THSD7B: variants seen among roughly 807,000 people sequenced by gnomAD.
THSD7B encodes the protein thrombospondin type 1 domain containing 7B, also known as thrombospondin type-1 domain-containing protein 7B.
THSD7B carries 138 observed loss-of-function variants against 213.6 expected under a neutral mutation model. The observed-to-expected ratio is 0.65, with a 90% CI of 0.56 to 0.74. The LOEUF is 0.74. Ranked by LOEUF, THSD7B falls within the 30% of genes least tolerant of loss-of-function variation. The pLI is 0.00. For synonymous variants in THSD7B, 742 were observed against 687.0 expected, an observed-to-expected ratio of 1.08 and a Z score of -1.25; for missense variants, 1,931 against 1,991.5, an observed-to-expected ratio of 0.97 and a Z score of 0.58.
At chr2:136,811,467 C>T (rs1365529732) in intron 1 of THSD7B, among the ~76,000 whole-genome samples, 1 of 152,012 alleles carries the variant, frequency 6.6e-6, no homozygotes, top group Non-Finnish European at 1.5e-5. Context: ...AGATCATAGA[C>T]CATGGGTTAC....
At chr2:137,238,577 C>T (rs537620962) in intron 9 of THSD7B, among the ~76,000 whole-genome samples, 4 of 102,336 alleles carry the variant, frequency 3.9e-5, no homozygotes, top group South Asian at 7.1e-4. Flanking sequence ...GACGGAGTCT[C>T]GCTCTGTCGC....
chr2:136,987,183 TA>T (rs1358796424), intron 2 of THSD7B, among the ~76,000 whole-genome samples: 1 of 152,148 alleles, frequency 6.6e-6, no homozygotes, highest in African/African-American at 2.4e-5. Flanking sequence ...CTGTCACATA[TA>T]AACTAGAGAG....
At chr2:137,355,832 G>A (rs1685113726) in intron 12 of THSD7B, among the ~76,000 whole-genome samples, 1 of 152,196 alleles carries the variant, frequency 6.6e-6, no homozygotes, top group South Asian at 2.1e-4. Flanking sequence ...GAAGCCAACT[G>A]TAGAGTGTGT....
At chr2:137,160,615 CTTTTG>C (rs569605637) in intron 6 of THSD7B, among the ~76,000 whole-genome samples, 127 of 152,180 alleles carry the variant, frequency 8.3e-4, no homozygotes, top group Non-Finnish European at 1.5e-3. Context: ...ATAACTTCAT[CTTTTG>C]TTTTGTTTTG....
intron 12 of THSD7B, among the ~76,000 whole-genome samples, chr2:137,345,766 G>A (rs945515559): frequency 5.3e-5 from 8 of 151,612 alleles, no homozygotes; most frequent in Non-Finnish European, 1.2e-4. Context: ...TAGATAGTAT[G>A]TGAGTTTAGA....
intron 15 of THSD7B, among the ~76,000 whole-genome samples, chr2:137,551,493 G>A (rs954577241): frequency 6.6e-6 from 1 of 152,038 alleles, no homozygotes; most frequent in Non-Finnish European, 1.5e-5. Flanking sequence ...ATGTTCATGG[G>A]CCCCTTGCAA....
rs570694687 is a variant in THSD7B, at chr2:137,481,854, C to G, written c.3138+30831C>G. On this transcript the variant is annotated intron_variant, in intron 15 of 27. Coordinates refer to ENST00000409968, the MANE Select transcript of THSD7B (RefSeq NM_001316349.2). Reference sequence around the variant, plus strand: ...TGCTTATAATTTTAAATGGCATTATCCCCTTGGACTATTGGAAATAACATT... The same window carrying G: ...TGCTTATAATTTTAAATGGCATTATGCCCTTGGACTATTGGAAATAACATT... 6.6e-4 allele frequency among the ~76,000 whole-genome samples: 100 copies of G among 152,204 alleles called. 1 individual carries two copies. The South Asian group carries it at 0.019, about 29-fold the overall frequency.
At chr2:137,633,673 C>G (rs889240344) in intron 20 of THSD7B, among the ~76,000 whole-genome samples, 1 of 152,082 alleles carries the variant, frequency 6.6e-6, no homozygotes. Flanking sequence ...ATGTCCTGAA[C>G]TCAGCCTGAA....
intron 2 of THSD7B, chr2:136,991,070 C>T: frequency 1.5e-6 from 1 of 658,492 alleles, no homozygotes; most frequent in Non-Finnish European, 2.3e-6. Flanking sequence ...AGGACCTGGA[C>T]AAATGAAGTT....
At chr2:137,241,777 G>A (rs191064857) in intron 9 of THSD7B, among the ~76,000 whole-genome samples, 1 of 152,058 alleles carries the variant, frequency 6.6e-6, no homozygotes, top group Admixed American at 6.6e-5. Flanking sequence ...CAGGCATGAT[G>A]GTGCACCTGT....
At chr2:136,869,529 C>A (rs747228100) in intron 1 of THSD7B, among the ~76,000 whole-genome samples, 53 of 152,270 alleles carry the variant, frequency 3.5e-4, no homozygotes, top group Middle Eastern at 6.8e-3. Flanking sequence ...TTTATTGAAG[C>A]ACAGCAGTAT....
At chr2:137,410,484 G>A (rs888081850) in intron 13 of THSD7B, among the ~76,000 whole-genome samples, 8 of 152,020 alleles carry the variant, frequency 5.3e-5, no homozygotes, top group Non-Finnish European at 8.8e-5. Flanking sequence ...GGCCAGTCTG[G>A]TCTCGAACTC....
chr2:137,299,780 T>G (rs893482145), intron 12 of THSD7B, among the ~76,000 whole-genome samples: 1 of 152,196 alleles, frequency 6.6e-6, no homozygotes, highest in Admixed American at 6.5e-5. Flanking sequence ...ATAGTTGCTA[T>G]TGTACCATGG....
At chr2:137,658,003 G>T (rs1683271981) in intron 24 of THSD7B, among the ~76,000 whole-genome samples, 1 of 152,130 alleles carries the variant, frequency 6.6e-6, no homozygotes, top group Admixed American at 6.5e-5. Flanking sequence ...GAGCCACCAC[G>T]CCCGGCCAAT....
intron 1 of THSD7B, among the ~76,000 whole-genome samples, chr2:136,828,621 C>T (rs751799328): frequency 2.6e-5 from 4 of 152,194 alleles, no homozygotes; most frequent in East Asian, 1.9e-4. Flanking sequence ...TCTTGTGCTC[C>T]GTGCTTTTTG....
intron 17 of THSD7B, among the ~76,000 whole-genome samples, chr2:137,610,835 A>G (rs926410063): frequency 6.6e-6 from 1 of 151,886 alleles, no homozygotes; most frequent in Non-Finnish European, 1.5e-5. Flanking sequence ...TGATAATTGT[A>G]TTGTTCTGAA....
At chr2:137,466,822 G>T (rs985557765) in intron 15 of THSD7B, among the ~76,000 whole-genome samples, 4 of 152,078 alleles carry the variant, frequency 2.6e-5, no homozygotes, top group African/African-American at 9.7e-5. Flanking sequence ...AGGGCAGGTT[G>T]GCTCTGTGGC....
Position 136,990,794 on chromosome 2 carries a change from C to T in THSD7B, c.140-65626C>T, listed in dbSNP as rs536796598. The T allele has an allele frequency of 3.1e-5, 27 of 883,410 alleles. No individual in the cohort carries two copies. In the African/African-American group the frequency reaches 4.3e-4, roughly 14 times the overall value. 54.7% of individuals were successfully genotyped at this position (883,410 alleles called of 1,614,324 possible). A position where few individuals can be genotyped will look rare whatever the true frequency, so the allele number is the denominator to read the frequency against. Reference sequence around the variant, plus strand: ...TTTGAGATGGAGATACTGATTAGGACACGCCACAGTGCCTGGCCGATGGTG... The same window carrying T: ...TTTGAGATGGAGATACTGATTAGGATACGCCACAGTGCCTGGCCGATGGTG... On this transcript the variant is annotated intron_variant, in intron 2 of 27. Coordinates refer to ENST00000409968, the MANE Select transcript of THSD7B (RefSeq NM_001316349.2).
intron 15 of THSD7B, among the ~76,000 whole-genome samples, chr2:137,560,413 G>C (rs997338692): frequency 6.6e-6 from 1 of 152,094 alleles, no homozygotes; most frequent in Non-Finnish European, 1.5e-5. Flanking sequence ...TCCTTTGTAG[G>C]GACATGGATG....
Sources: gnomAD v4.1 joint callset for allele counts (sites outside exome capture counted in the v4.1 genomes callset) on GRCh38, gnomAD v4.1.1 for gene constraint, MANE v1.5 for transcripts, NCBI Gene and HGNC (gene_info 2026-07-23, HGNC 2026-07-21) for gene names.